SCN7A: variants seen among roughly 807,000 people sequenced by gnomAD.
The protein encoded by SCN7A is sodium voltage-gated channel alpha subunit 7.
A neutral mutation model predicts 155.2 loss-of-function variants in SCN7A; 138 were observed. The ratio of observed to expected loss-of-function variants is 0.89; its 90% CI spans 0.77 to 1.02. SCN7A has a LOEUF of 1.02. Among genes scored for constraint, SCN7A ranks in the 50% least tolerant of loss-of-function variants. The pLI, the probability that SCN7A is intolerant of heterozygous loss-of-function variation, is 0.00. For synonymous variants in SCN7A, 693 were observed against 649.0 expected, an observed-to-expected ratio of 1.07 and a Z score of -1.03; for missense variants, 2,058 against 1,986.6, an observed-to-expected ratio of 1.04 and a Z score of -0.68.
intron 23 of SCN7A, among the ~76,000 whole-genome samples, chr2:166,411,120 T>C (rs999319230): frequency 2.0e-5 from 3 of 152,088 alleles, no homozygotes; most frequent in Non-Finnish European, 4.4e-5. Context: ...CAAGAGTGAT[T>C]GATATACAGT....
chr2:166,441,498 G>C lies in SCN7A; in HGVS notation c.2055C>G (p.Leu685=). Residue 685 remains leucine, a synonymous_variant, in exon 15 of 26, where the codon CTC becomes CTG. Transcript: ENST00000643258. ...ACAAGGTCTCTACCCACTCTCCACA[G>C]AGAATTCGGAACACATTCAGGAAGG... ...FHSFLNVFRI[L]CGEWVETLWD... 6.2e-7 allele frequency: 1 copy of C among 1,614,058 alleles called. No individual in the cohort carries two copies. The highest frequency in any genetic ancestry group is 8.5e-7 in the Non-Finnish European group (1 of 1,179,976).
At chr2:166,419,441 T>G (rs1057421437) in intron 20 of SCN7A, among the ~76,000 whole-genome samples, 1 of 150,106 alleles carries the variant, frequency 6.7e-6, no homozygotes, top group Non-Finnish European at 1.5e-5. Context: ...CACTGCAGCC[T>G]CGACCTCCCA....
rs1157317224 is a variant in SCN7A, at chr2:166,477,574, A to G, written c.123T>C (p.Thr41=). ...EDHEEEDLKP[T]PDLEVGKKLP... ...GCTTTTTGCCAACTTCCAAATCAGG[A>G]GTTGGCTTTAAGTCTTCTTCTTCAT... is the stretch of plus-strand genomic sequence containing the variant. The change falls in exon 3 of 26, where the codon ACT becomes ACC. Residue 41 remains threonine, a synonymous_variant. Coordinates refer to ENST00000643258, the MANE Select transcript of SCN7A (RefSeq NM_002976.4). The G allele has an allele frequency of 1.3e-5, 21 of 1,583,156 alleles. No individual in the cohort carries two copies. Among genetic ancestry groups the G allele is most frequent in the Non-Finnish European group, 1.5e-5 (17 of 1,162,480 alleles).
At chr2:166,425,122 C>G (rs768042579) in intron 18 of SCN7A, among the ~76,000 whole-genome samples, 1 of 152,076 alleles carries the variant, frequency 6.6e-6, no homozygotes, top group Non-Finnish European at 1.5e-5. Context: ...GCAGTCTGGG[C>G]TCCAGAGCCT....
At chr2:166,424,671 C>T (rs1983498) in intron 18 of SCN7A, among the ~76,000 whole-genome samples, 105,494 of 151,610 alleles carry the variant, frequency 0.7, 36,800 homozygotes, top group African/African-American at 0.74. Context: ...CTGATGACAC[C>T]AAAAGAAGAT....
chr2:166,475,930 G>T (rs1318442299), intron 3 of SCN7A, among the ~76,000 whole-genome samples: 1 of 151,756 alleles, frequency 6.6e-6, no homozygotes, highest in African/African-American at 2.4e-5. Flanking sequence ...CAAAATCTTT[G>T]GTTTTGTCTT....
chr2:166,444,991 T>G lies in SCN7A; in HGVS notation c.1397A>C (p.Lys466Thr). 6.2e-7 allele frequency: 1 copy of G among 1,600,776 alleles called. No individual in the cohort carries two copies. Among genetic ancestry groups the G allele is most frequent in the Non-Finnish European group, 8.6e-7 (1 of 1,168,970 alleles). The change falls in exon 13 of 26, where the codon AAA becomes ACA. Residue 466 changes from lysine (K) to threonine (T), a missense_variant. Physicochemically the swap from Lys to Thr is moderately conservative, Grantham distance 78. Coordinates refer to ENST00000643258, the MANE Select transcript of SCN7A (RefSeq NM_002976.4). The part of the protein sequence containing the change: ...ATLRHKEELE[K>T]SKKICPLYWY... The stretch of plus-strand genomic sequence containing the variant: ...GTATAATGGGCATATCTTCTTGGAT[T>G]TTTCAAGTTCTGAAATGAAAGAATA...
chr2:166,444,596 AG>A (rs760472237), intron 13 of SCN7A, among the ~76,000 whole-genome samples, 165 bp downstream of exon 13: 1 of 152,228 alleles, frequency 6.6e-6, no homozygotes, highest in Non-Finnish European at 1.5e-5. Flanking sequence ...TTTAGAAAGC[AG>A]GGGTTGGAGG....
intron 1 of SCN7A, among the ~76,000 whole-genome samples, chr2:166,491,934 C>T (rs1056287662): frequency 6.6e-6 from 1 of 151,974 alleles, no homozygotes; most frequent in African/African-American, 2.4e-5. Context: ...TCTGAATACC[C>T]CAGTTGTGAC....
intron 20 of SCN7A, 34 bp from the exon 21 acceptor site, chr2:166,417,019 G>T (rs1449485842): frequency 1.9e-5 from 28 of 1,462,164 alleles, no homozygotes; most frequent in Non-Finnish European, 2.4e-5. Context: ...CTTTAGATAG[G>T]AAATCTGAAA....
chr2:166,456,835 G>T lies in SCN7A; in HGVS notation c.1290+35C>A, dbSNP rs10930223. The T allele has an allele frequency of 8.4e-4, 767 of 916,764 alleles. 3 individuals carry two copies. Among genetic ancestry groups the T allele is most frequent in the South Asian group, 1.6e-3 (101 of 61,936 alleles). The allele number at this position is 916,764 out of a possible 1,614,324, so 56.8% of individuals were successfully genotyped here. A position where few individuals can be genotyped will look rare whatever the true frequency, so the allele number is the denominator to read the frequency against. On this transcript the variant is annotated intron_variant, in intron 11 of 25. Transcript: ENST00000643258. ...ATATATATATATATATATATAGATA[G>T]ATAGATAGATAGATAGATAGATAGA...
At chr2:166,409,539 G>T in intron 25 of SCN7A, 126 bp downstream of exon 25, 1 of 690,196 alleles carries the variant, frequency 1.4e-6, no homozygotes, top group Non-Finnish European at 2.3e-6. Context: ...ATCTCTACCT[G>T]TTTTGCTTAT....
chr2:166,475,104 G>GTATATATACATATATACGTATA, intron 3 of SCN7A, among the ~76,000 whole-genome samples: 1 of 86,020 alleles, frequency 1.2e-5, no homozygotes, highest in South Asian at 3.4e-4. Flanking sequence ...ACATATATAT[G>GTATATATACATATATACGTATA]TATATATATA....
intron 9 of SCN7A, among the ~76,000 whole-genome samples, chr2:166,465,095 G>A (rs184903384): frequency 1.3e-5 from 2 of 152,196 alleles, no homozygotes; most frequent in Non-Finnish European, 1.5e-5. Flanking sequence ...GAATGTGATC[G>A]ATATCCTCAG....
intron 20 of SCN7A, among the ~76,000 whole-genome samples, 187 bp from the exon 21 acceptor site, chr2:166,417,172 T>A (rs1490343266): frequency 1.3e-5 from 2 of 152,142 alleles, no homozygotes; most frequent in Admixed American, 6.6e-5. Flanking sequence ...AATTTTTATT[T>A]AGAAAATACA....
intron 14 of SCN7A, among the ~76,000 whole-genome samples, chr2:166,442,776 A>T (rs1701987703): frequency 6.6e-6 from 1 of 152,190 alleles, no homozygotes; most frequent in South Asian, 2.1e-4. Context: ...TGCAATTGCC[A>T]GTGTTGTTTC....
chr2:166,419,642 G>C (rs979170870), intron 20 of SCN7A, among the ~76,000 whole-genome samples: 21 of 151,940 alleles, frequency 1.4e-4, no homozygotes, highest in Non-Finnish European at 2.5e-4. Context: ...GCTAGGATTA[G>C]AGGTGTAAGC....
At chr2:166,476,384 C>T (rs756726829) in intron 3 of SCN7A, among the ~76,000 whole-genome samples, 1 of 151,984 alleles carries the variant, frequency 6.6e-6, no homozygotes, top group Non-Finnish European at 1.5e-5. Context: ...ATTACGTTTG[C>T]TATGAAGCTA....
intron 3 of SCN7A, among the ~76,000 whole-genome samples, chr2:166,475,252 TAA>T (rs1244769318): frequency 1.2e-4 from 18 of 148,442 alleles, no homozygotes; most frequent in African/African-American, 3.9e-4. Flanking sequence ...GCTTACAGTC[TAA>T]AAGAGTGTAT....
Sources: allele counts gnomAD v4.1 joint callset (sites outside exome capture counted in the v4.1 genomes callset), GRCh38; gene constraint gnomAD v4.1.1; transcripts MANE v1.5; gene names NCBI Gene and HGNC (gene_info 2026-07-23, HGNC 2026-07-21).